RTKN: variants seen among roughly 807,000 people sequenced by gnomAD.
RTKN encodes rhotekin.
A neutral mutation model predicts 63.5 loss-of-function variants in RTKN; 49 were observed. That is an observed-to-expected ratio of 0.77 (90% confidence interval 0.61 to 0.98). RTKN has a LOEUF of 0.98. Among genes scored for constraint, RTKN ranks in the 50% least tolerant of loss-of-function variants. The pLI is 0.00. For synonymous variants in RTKN, 295 were observed against 290.4 expected (o/e 1.02, Z -0.16); for missense variants, 685 against 740.8 (o/e 0.92, Z 0.87).
chr2:74,433,263 T>C (rs1281265019), intron 1 of RTKN, among the ~76,000 whole-genome samples: 1 of 149,524 alleles, frequency 6.7e-6, no homozygotes, highest in Non-Finnish European at 1.5e-5. Context: ...AAAACATATA[T>C]ATATATATAT....
At chr2:74,440,527 C>G (rs933425388) in intron 1 of RTKN, 12 of 986,096 alleles carry the variant, frequency 1.2e-5, no homozygotes, top group African/African-American at 5.2e-5. Flanking sequence ...CGGAGTCACA[C>G]TTCACTCGGC....
intron 1 of RTKN, 100 bp from the exon 2 acceptor site, chr2:74,432,766 A>G (rs747337643): frequency 3.8e-5 from 36 of 953,586 alleles, no homozygotes; most frequent in Admixed American, 9.1e-5. Flanking sequence ...TAAAACTGAC[A>G]AGAAACTAAT....
At chr2:74,435,687 C>T (rs552508685) in intron 1 of RTKN, among the ~76,000 whole-genome samples, 3 of 152,146 alleles carry the variant, frequency 2.0e-5, no homozygotes, top group Non-Finnish European at 2.9e-5. Flanking sequence ...GGAGACAAGT[C>T]GAGCCATCCA....
intron 1 of RTKN, among the ~76,000 whole-genome samples, chr2:74,434,641 C>A (rs1573257642): frequency 6.6e-6 from 1 of 152,220 alleles, no homozygotes; most frequent in African/African-American, 2.4e-5. Flanking sequence ...GTCTCGAACT[C>A]CTGGCCTCAA....
At chr2:74,427,880 A>G in intron 9 of RTKN, 1 of 491,538 alleles carries the variant, frequency 2.0e-6, no homozygotes, top group Non-Finnish European at 3.6e-6. Flanking sequence ...GTCCCTCAGA[A>G]CTGACAAAAA....
chr2:74,439,502 G>A lies in RTKN; in HGVS notation c.111+2204C>T, dbSNP rs768438679. The A allele has an allele frequency of 3.8e-6, 6 of 1,595,238 alleles. No individual in the cohort carries two copies. The Admixed American group carries it at 8.4e-5, about 22-fold the overall frequency. On this transcript the variant is annotated intron_variant, in intron 1 of 11. Coordinates refer to ENST00000272430, the MANE Select transcript of RTKN (RefSeq NM_001015055.2). ...AGGAATGGGCAGGGCAGAGATTGGG[G>A]CTGGGATGCAAGTGAAGGAGGTGTG...
intron 1 of RTKN, 74 bp from the exon 2 acceptor site, chr2:74,432,740 G>A (rs2103899931): frequency 7.5e-7 from 1 of 1,335,636 alleles, no homozygotes; most frequent in South Asian, 1.2e-5. Flanking sequence ...CCAGTCCCCA[G>A]GTGGGCTGTG....
In RTKN at chr2:74,427,874, C is replaced by G; in HGVS notation, c.1087-282G>C. 6.0e-6 allele frequency: 3 copies of G among 496,048 alleles called. No individual in the cohort carries two copies. In the South Asian group the frequency reaches 8.8e-5, roughly 14 times the overall value. 30.7% of individuals were successfully genotyped at this position (496,048 alleles called of 1,614,324 possible). A position where few individuals can be genotyped will look rare whatever the true frequency, so the allele number is the denominator to read the frequency against. ...GCAAGGATGCTCCAGCCAGAGGTCC[C>G]TCAGAACTGACAAAAAGTAGGCAGG... On this transcript the variant is annotated intron_variant, in intron 9 of 11. Coordinates refer to ENST00000272430, the MANE Select transcript of RTKN (RefSeq NM_001015055.2).
intron 1 of RTKN, chr2:74,440,103 G>A (rs766552015): frequency 1.1e-5 from 7 of 643,208 alleles, no homozygotes; most frequent in South Asian, 5.9e-5. Context: ...CAACTGGAAG[G>A]GGGCAGGGAA....
intron 11 of RTKN, 165 bp downstream of exon 11, chr2:74,427,004 G>T (rs1055729759): frequency 3.0e-6 from 3 of 985,002 alleles, no homozygotes; most frequent in Non-Finnish European, 3.6e-6. Context: ...TCTAAAAAGA[G>T]TTGGAGAGGA....
Position 74,426,039 on chromosome 2 carries a change from C to G in RTKN, c.*204G>C. 1 of 651,416 alleles carries G rather than the reference C, an allele frequency of 1.5e-6. No homozygotes were observed. The highest frequency in any genetic ancestry group is 2.7e-5 in the East Asian group (1 of 36,860). 40.4% of individuals were successfully genotyped at this position (651,416 alleles called of 1,614,324 possible). A position where few individuals can be genotyped will look rare whatever the true frequency, so the allele number is the denominator to read the frequency against. ...CAGGAAGGGTTTAGGGAGGTCCCAG[C>G]GAGCCCCAGGAATGAGTCCCTCGGT... On this transcript the variant is annotated 3_prime_UTR_variant, in exon 12 of 12. Coordinates refer to ENST00000272430, the MANE Select transcript of RTKN (RefSeq NM_001015055.2).
Position 74,428,729 on chromosome 2 carries a change from G to C in RTKN, c.859C>G (p.Pro287Ala), listed in dbSNP as rs768377196. 14 of 1,613,812 alleles carry C rather than the reference G, an allele frequency of 8.7e-6. No individual in the cohort carries two copies. The South Asian group carries it at 1.5e-4, about 18-fold the overall frequency. Residue 287 changes from proline to alanine, a missense_variant, in exon 8 of 12, where the codon CCT becomes GCT. By Grantham distance (27) the Pro-to-Ala change is conservative (BLOSUM62 -1). Coordinates refer to ENST00000272430, the MANE Select transcript of RTKN (RefSeq NM_001015055.2). ...DLTLASHEEN[P>A]AWLPLYGSVC... ...CTACCATAAAGGGGCAGCCAGGCAG[G>C]GTTCTCCTCTGGGGGAGGAGGAAGT...
chr2:74,432,047 C>T, intron 2 of RTKN: 2 of 309,762 alleles, frequency 6.5e-6, no homozygotes, highest in Non-Finnish European at 1.3e-5. Context: ...ATTTCCTTTC[C>T]CACTCCCTGC....
At chr2:74,426,840 AG>A (rs1670423128) in intron 11 of RTKN, 1 of 1,347,164 alleles carries the variant, frequency 7.4e-7, no homozygotes, top group African/African-American at 1.5e-5. Flanking sequence ...AACCAAGAGG[AG>A]AAAATGAAAG....
chr2:74,426,126 G>T lies in RTKN; in HGVS notation c.*117C>A. ...ACCCCTGCAGCCTACCCCAGGTCCA[G>T]CAGAGGAACAGGAGGCCAGACTGGC... On this transcript the variant is annotated 3_prime_UTR_variant, in exon 12 of 12. Coordinates refer to ENST00000272430, the MANE Select transcript of RTKN (RefSeq NM_001015055.2). The T allele has an allele frequency of 3.3e-6, 3 of 916,668 alleles. No individual in the cohort carries two copies. Among genetic ancestry groups the T allele is most frequent in the Non-Finnish European group, 5.1e-6 (3 of 587,324 alleles). The allele number at this position is 916,668 out of a possible 1,614,324, so 56.8% of individuals were successfully genotyped here. A position where few individuals can be genotyped will look rare whatever the true frequency, so the allele number is the denominator to read the frequency against.
intron 1 of RTKN, 128 bp downstream of exon 1, chr2:74,441,578 G>T: frequency 3.1e-6 from 2 of 649,316 alleles, no homozygotes; most frequent in Middle Eastern, 4.2e-4. Context: ...CAACAACTCC[G>T]TCGGGTTTGT....
rs1359867055 is a variant in RTKN, at chr2:74,441,912, C to A, written c.-96G>T. On this transcript the variant is annotated 5_prime_UTR_variant, in exon 1 of 12. Transcript: ENST00000272430. ...CTTCTGTCTCTCGACGCTCGTCCGC[C>A]AGTCCGGCCGGGAATCTCCCGCTGC... The A allele has an allele frequency of 1.3e-6, 1 of 742,084 alleles. No individual in the cohort carries two copies. The highest frequency in any genetic ancestry group is 2.8e-5 in the East Asian group (1 of 36,038). The allele number at this position is 742,084 out of a possible 1,614,324, so 46.0% of individuals were successfully genotyped here.
chr2:74,430,557 G>A (rs776570469), intron 3 of RTKN, 39 bp from the exon 4 acceptor site: 14 of 1,613,366 alleles, frequency 8.7e-6, no homozygotes, highest in Non-Finnish European at 1.2e-5. Context: ...TTGAGATGGG[G>A]CAGGAGGCCG....
Position 74,441,850 on chromosome 2 carries a change from G to A in RTKN, c.-34C>T, listed in dbSNP as rs1572906923. On this transcript the variant is annotated 5_prime_UTR_variant, in exon 1 of 12. Transcript: ENST00000272430. Reference sequence around the variant, plus strand: ...CCCTGCGACTTTGCCTGCTCAGTGCGCTCCCCGCGCCGCCCGGCTTAGCCT... The same window carrying A: ...CCCTGCGACTTTGCCTGCTCAGTGCACTCCCCGCGCCGCCCGGCTTAGCCT... 1.4e-6 allele frequency: 2 copies of A among 1,383,076 alleles called. No individual in the cohort carries two copies. The highest frequency in any genetic ancestry group is 1.2e-5 in the South Asian group (1 of 82,696). 85.7% of individuals were successfully genotyped at this position (1,383,076 alleles called of 1,614,324 possible). A position where few individuals can be genotyped will look rare whatever the true frequency, so the allele number is the denominator to read the frequency against.
Sources: allele counts gnomAD v4.1 joint callset (sites outside exome capture counted in the v4.1 genomes callset), GRCh38; gene constraint gnomAD v4.1.1; transcripts MANE v1.5; gene names NCBI Gene and HGNC (gene_info 2026-07-23, HGNC 2026-07-21).